FARP2: variants seen among roughly 807,000 people sequenced by gnomAD.
FARP2 encodes FERM, ARHGEF and pleckstrin domain-containing protein 2.
FARP2 carries 111 observed loss-of-function variants against 130.5 expected under a neutral mutation model. That is an observed-to-expected ratio of 0.85 (90% CI 0.73 to 1.00). The LOEUF (loss-of-function observed/expected upper bound fraction) is 1.00. Among genes scored for constraint, FARP2 ranks in the 50% least tolerant of loss-of-function variants. The pLI is 0.00. For missense variants in FARP2, 1,385 were observed against 1,346.3 expected (o/e 1.03, Z -0.45); for synonymous variants, 504 against 516.9 (o/e 0.98, Z 0.34).
Position 241,456,911 on chromosome 2 carries a change from C to A in FARP2, c.1576C>A (p.Pro526Thr). The A allele has an allele frequency of 6.3e-7, 1 of 1,596,840 alleles. No individual in the cohort carries two copies. The highest frequency in any genetic ancestry group is 1.1e-5 in the South Asian group (1 of 89,266). Residue 526 changes from proline (P) to threonine (T), a missense_variant, in exon 14 of 27, where the codon CCC becomes ACC. Coordinates refer to ENST00000264042, the MANE Select transcript of FARP2 (RefSeq NM_014808.4). ...AGGAGMDCEE[P>T]RHKRVPADEA... ...CGGAGCCGGGATGGACTGCGAGGAG[C>A]CCAGACACAAGGTGGGCCCCTCGAG...
At chr2:241,399,960 G>C (rs947841793) in intron 2 of FARP2, among the ~76,000 whole-genome samples, 2 of 151,980 alleles carry the variant, frequency 1.3e-5, no homozygotes, top group Admixed American at 6.6e-5. Context: ...ATGTTTGTTT[G>C]TGTGTATATA....
intron 2 of FARP2, among the ~76,000 whole-genome samples, chr2:241,379,738 G>A (rs916290596): frequency 2.6e-5 from 4 of 152,142 alleles, no homozygotes; most frequent in African/African-American, 9.7e-5. Context: ...AACTTATTTT[G>A]GTCTGACCTC....
chr2:241,427,408 C>T (rs1411685902), intron 8 of FARP2, among the ~76,000 whole-genome samples: 1 of 152,098 alleles, frequency 6.6e-6, no homozygotes, highest in Non-Finnish European at 1.5e-5. Flanking sequence ...CCTGTAATCC[C>T]AGCACTTTGG....
chr2:241,384,157 T>C (rs1316948685), intron 2 of FARP2, among the ~76,000 whole-genome samples: 4 of 151,878 alleles, frequency 2.6e-5, no homozygotes, highest in Admixed American at 2.6e-4. Flanking sequence ...TTCTAAACTG[T>C]CATCAGTCTT....
intron 2 of FARP2, among the ~76,000 whole-genome samples, chr2:241,392,316 A>C (rs1228916832): frequency 6.6e-6 from 1 of 152,242 alleles, no homozygotes; most frequent in Non-Finnish European, 1.5e-5. Flanking sequence ...CTTGTGTAAA[A>C]GGAATGTCTA....
chr2:241,366,138 TACAC>T (rs1445444373), intron 1 of FARP2, among the ~76,000 whole-genome samples: 24 of 138,334 alleles, frequency 1.7e-4, no homozygotes, highest in Admixed American at 3.9e-4. Flanking sequence ...TATATATATA[TACAC>T]ACACACATAT....
chr2:241,462,269 T>G (rs756650617), intron 14 of FARP2, among the ~76,000 whole-genome samples: 11 of 152,232 alleles, frequency 7.2e-5, no homozygotes, highest in Non-Finnish European at 1.3e-4. Flanking sequence ...AAAAAATGAT[T>G]TTATCACAAA....
intron 2 of FARP2, among the ~76,000 whole-genome samples, chr2:241,378,577 A>G (rs1199298400): frequency 6.6e-6 from 1 of 151,566 alleles, no homozygotes. Flanking sequence ...CATGCTGGCT[A>G]ATTTGTTAAA....
At chr2:241,442,460 GAGTCCCT>G in intron 13 of FARP2, 3 of 456,638 alleles carry the variant, frequency 6.6e-6, no homozygotes, top group Middle Eastern at 6.5e-4. Context: ...AGTGGAGAAA[GAGTCCCT>G]TTTGATTTAC....
intron 22 of FARP2, among the ~76,000 whole-genome samples, chr2:241,490,278 G>A (rs1228447582): frequency 6.6e-6 from 1 of 152,338 alleles, no homozygotes; most frequent in South Asian, 2.1e-4. Flanking sequence ...GCAGGCCCCA[G>A]TGCTGTGGAG....
intron 1 of FARP2, among the ~76,000 whole-genome samples, chr2:241,364,077 G>A (rs1442916752): frequency 1.3e-5 from 2 of 152,202 alleles, no homozygotes; most frequent in East Asian, 3.9e-4. Flanking sequence ...TGAAGGGTAC[G>A]AATCAACTAG....
intron 26 of FARP2, chr2:241,493,719 T>C (rs922622453): frequency 6.0e-4 from 311 of 516,364 alleles, no homozygotes; most frequent in Admixed American, 5.6e-4. Flanking sequence ...CTCAGCCTCC[T>C]GAGTAACTGA....
At chr2:241,493,786 A>G in intron 26 of FARP2, 2 of 485,962 alleles carry the variant, frequency 4.1e-6, no homozygotes, top group East Asian at 3.5e-5. Context: ...TAGTAGAGAC[A>G]GGGTTTCACC....
intron 1 of FARP2, among the ~76,000 whole-genome samples, chr2:241,368,714 C>T (rs528616275): frequency 6.6e-6 from 1 of 152,046 alleles, no homozygotes; most frequent in African/African-American, 2.4e-5. Flanking sequence ...TCAAGTGATC[C>T]TCCCACCTCA....
chr2:241,482,854 G>A lies in FARP2; in HGVS notation c.2263-611G>A, dbSNP rs1381664196. Among the ~76,000 whole-genome samples, 1 of 152,168 alleles carries A rather than the reference G, an allele frequency of 6.6e-6. No homozygotes were observed. The highest frequency in any genetic ancestry group is 1.5e-5 in the Non-Finnish European group (1 of 68,034). Reference sequence around the variant, plus strand: ...TCTCGCTTACCCTATCTGCGCAGGTGTCTGATACTGGCAGGATTCTTTTTT... The same window carrying A: ...TCTCGCTTACCCTATCTGCGCAGGTATCTGATACTGGCAGGATTCTTTTTT... On this transcript the variant is annotated intron_variant, in intron 19 of 26. Transcript: ENST00000264042. This position sits in a 1 kb window ranked among gnomAD's most constrained non-coding sequence, Gnocchi z 4.6.
intron 2 of FARP2, among the ~76,000 whole-genome samples, chr2:241,388,941 G>A (rs1227245395): frequency 6.6e-6 from 1 of 152,158 alleles, no homozygotes; most frequent in Non-Finnish European, 1.5e-5. Context: ...GGGGTGATTA[G>A]GCCATGAGGG....
At chr2:241,360,261 G>C (rs562788417) in intron 1 of FARP2, among the ~76,000 whole-genome samples, 31 of 152,196 alleles carry the variant, frequency 2.0e-4, no homozygotes, top group Non-Finnish European at 3.7e-4. Flanking sequence ...GTAGATGCCA[G>C]GTTTTATGGA....
chr2:241,463,942 A>T lies in FARP2; in HGVS notation c.1855A>T (p.Ile619Phe), dbSNP rs1232750839. 2.5e-6 allele frequency: 4 copies of T among 1,614,042 alleles called. No individual in the cohort carries two copies. The highest frequency in any genetic ancestry group is 2.5e-6 in the Non-Finnish European group (3 of 1,179,992). Residue 619 changes from isoleucine (I) to phenylalanine (F), a missense_variant, in exon 17 of 27, where the codon ATC becomes TTC. Transcript: ENST00000264042. ...KAHTKGSHQR[I>F]GDILLRNMRQ... ...CCACACAAAAGGCAGTCATCAACGA[A>T]TCGGGGACATCCTGCTCAGGAACAT...
In FARP2 at chr2:241,366,150, T is replaced by C. The variant is rs913630000; in HGVS notation, c.-24-6934T>C. On this transcript the variant is annotated intron_variant, in intron 1 of 26. Transcript: ENST00000264042. ...ATATATATATATATACACACACACATATATATTTTCTTCCTCTTTTAACAG... is the reference window on the plus strand; with the variant it reads ...ATATATATATATATACACACACACACATATATTTTCTTCCTCTTTTAACAG... Among the ~76,000 whole-genome samples, 7 of 83,420 alleles carry C rather than the reference T, an allele frequency of 8.4e-5. 1 individual carries two copies. The highest frequency in any genetic ancestry group is 7.0e-4 in the Admixed American group (5 of 7,148). The allele number at this position is 83,420 out of a possible 152,430, so 54.7% of individuals were successfully genotyped here.
Sources: allele counts gnomAD v4.1 joint callset (sites outside exome capture counted in the v4.1 genomes callset), GRCh38; gene constraint gnomAD v4.1.1; non-coding constraint Gnocchi (gnomAD v3.1); transcripts MANE v1.5; gene names NCBI Gene and HGNC (gene_info 2026-07-23, HGNC 2026-07-21).